The following NAA50 variants were observed in gnomAD, a reference collection of about 807,000 sequenced individuals.
The protein encoded by NAA50 is N-alpha-acetyltransferase 50, NatE catalytic subunit, also known as N-alpha-acetyltransferase 50.
A neutral mutation model predicts 20.7 loss-of-function variants in NAA50; 7 were observed. The ratio of observed to expected loss-of-function variants is 0.34; its 90% CI spans 0.19 to 0.63. The LOEUF is 0.63. NAA50 is among the 30% of genes least tolerant of loss of function. The pLI is 0.75. For missense variants in NAA50, 111 were observed against 199.1 expected (o/e 0.56, Z 2.66); for synonymous variants, 54 against 70.6 (o/e 0.77, Z 1.18).
At chr3:113,728,378 G>A (rs965267208) in intron 1 of NAA50, among the ~76,000 whole-genome samples, 2 of 152,098 alleles carry the variant, frequency 1.3e-5, no homozygotes, top group Non-Finnish European at 2.9e-5. Flanking sequence ...GTTTACATCT[G>A]GTAGGAAAGA....
At chr3:113,724,255 T>C (rs1385517317) in intron 1 of NAA50, among the ~76,000 whole-genome samples, 160 bp from the exon 2 acceptor site, 1 of 152,150 alleles carries the variant, frequency 6.6e-6, no homozygotes, top group Non-Finnish European at 1.5e-5. Context: ...ATTTTGACAG[T>C]CATTCAATAC....
At position 113,721,854 on chromosome 3, in the gene NAA50, T is replaced by C; in HGVS notation, c.416A>G (p.Tyr139Cys). 2 of 1,613,956 alleles carry C rather than the reference T, an allele frequency of 1.2e-6. No individual in the cohort carries two copies. Among genetic ancestry groups the C allele is most frequent in the Non-Finnish European group, 1.7e-6 (2 of 1,179,836 alleles). ...FEIIETKKNY[Y>C]KRIEPADAHV... is the part of the protein sequence containing the mutation. ...AGCATCTGCGGGCTCTATCCTCTTA[T>C]AGTAGTTCTTCTTTGTCTCAATAAT... is the stretch of plus-strand genomic sequence containing the variant. Residue 139 changes from tyrosine (Y) to cysteine (C), a missense_variant, in exon 5 of 5, where the codon TAT becomes TGT. Physicochemically the swap from Tyr to Cys is radical, Grantham distance 194. Transcript: ENST00000240922.
chr3:113,731,750 T>C (rs556855876), intron 1 of NAA50, among the ~76,000 whole-genome samples: 3 of 152,226 alleles, frequency 2.0e-5, no homozygotes, highest in Non-Finnish European at 2.9e-5. Flanking sequence ...GCTTCTTTCA[T>C]GTGGCATGAT....
chr3:113,737,800 A>G (rs769103872), intron 1 of NAA50, among the ~76,000 whole-genome samples: 4 of 152,112 alleles, frequency 2.6e-5, no homozygotes, highest in Non-Finnish European at 5.9e-5. Context: ...ACTCTCCTAC[A>G]TCCTGTTAGG....
intron 1 of NAA50, among the ~76,000 whole-genome samples, chr3:113,725,380 C>T (rs1349089862): frequency 6.6e-6 from 1 of 152,002 alleles, no homozygotes; most frequent in African/African-American, 2.4e-5. Context: ...CAAAAACATG[C>T]TTGAAAGGAT....
At chr3:113,743,624 A>C (rs1708448700) in intron 1 of NAA50, among the ~76,000 whole-genome samples, 1 of 152,218 alleles carries the variant, frequency 6.6e-6, no homozygotes, top group Non-Finnish European at 1.5e-5. Flanking sequence ...GTTTCATCTC[A>C]TCTGGGAGTT....
chr3:113,724,136 C>A (rs763973685), intron 1 of NAA50, 41 bp from the exon 2 acceptor site: 4 of 1,464,686 alleles, frequency 2.7e-6, no homozygotes, highest in Middle Eastern at 1.8e-4. Context: ...CATAATTAGC[C>A]CCATTTGTTA....
At chr3:113,729,123 T>C (rs1356268182) in intron 1 of NAA50, among the ~76,000 whole-genome samples, 2 of 151,814 alleles carry the variant, frequency 1.3e-5, no homozygotes, top group Non-Finnish European at 2.9e-5. Flanking sequence ...ACAGCTGTCA[T>C]TACAAGCATG....
intron 1 of NAA50, among the ~76,000 whole-genome samples, chr3:113,729,546 CT>C (rs564619731): frequency 0.016 from 1,519 of 94,252 alleles, 18 homozygotes; most frequent in South Asian, 0.083. Context: ...TTCTTTCTTT[CT>C]TTTTTTTTTT....
intron 2 of NAA50, 36 bp downstream of exon 2, chr3:113,723,923 A>G: frequency 6.6e-7 from 1 of 1,517,774 alleles, no homozygotes; most frequent in Non-Finnish European, 8.8e-7. Context: ...AAAAAGAAAG[A>G]AAAGAAGGGA....
intron 1 of NAA50, chr3:113,739,292 T>C (rs535399287): frequency 6.6e-6 from 1 of 152,320 alleles, no homozygotes; most frequent in African/African-American, 2.4e-5. Flanking sequence ...CCTGAGGTTT[T>C]TCCACGTGCC....
In NAA50 at chr3:113,746,011, T is replaced by C. The variant is rs546009020; in HGVS notation, c.-62A>G. 1.9e-5 allele frequency: 30 copies of C among 1,600,784 alleles called. No individual in the cohort carries two copies. The East Asian group carries it at 6.1e-4, about 32-fold the overall frequency. On this transcript the variant is annotated 5_prime_UTR_variant, in exon 1 of 5. Coordinates refer to ENST00000240922, the MANE Select transcript of NAA50 (RefSeq NM_025146.4). ...TCAACGCCGTCGTAGTCGCCGCCCT[T>C]AGGTCTCCGCACCCTTAGCTCGGGC...
At position 113,716,660 on chromosome 3, in the gene NAA50, T is replaced by C. The variant is rs189031916; in HGVS notation, c.*5100A>G. ...CTACGAAAGCTACAGTGATTCAACA[T>C]GTGCTTTAATTTATACTGCTTAGAT... On this transcript the variant is annotated 3_prime_UTR_variant, in exon 5 of 5. Coordinates refer to ENST00000240922, the MANE Select transcript of NAA50 (RefSeq NM_025146.4). 2.6e-5 allele frequency: 4 copies of C among 152,364 alleles called. No homozygotes were observed. The highest frequency in any genetic ancestry group is 7.2e-5 in the African/African-American group (3 of 41,588). The allele number at this position is 152,364 out of a possible 1,614,324, so 9.4% of individuals were successfully genotyped here. A position where few individuals can be genotyped will look rare whatever the true frequency, so the allele number is the denominator to read the frequency against.
chr3:113,717,240 G>A lies in NAA50; in HGVS notation c.*4520C>T, dbSNP rs1708064342. 6.6e-6 allele frequency: 1 copy of A among 152,266 alleles called. No homozygotes were observed. The allele number at this position is 152,266 out of a possible 1,614,324, so 9.4% of individuals were successfully genotyped here. ...TAGTCGCAGCTACTTGGGAGGCTCAGGCAGAATTGCTTGAATCTGGGAGGC... is the reference window on the plus strand; with the variant it reads ...TAGTCGCAGCTACTTGGGAGGCTCAAGCAGAATTGCTTGAATCTGGGAGGC... On this transcript the variant is annotated 3_prime_UTR_variant, in exon 5 of 5. Transcript: ENST00000240922.
intron 2 of NAA50, 70 bp from the exon 3 acceptor site, chr3:113,723,611 A>AAGG: frequency 2.7e-6 from 4 of 1,469,042 alleles, no homozygotes; most frequent in Non-Finnish European, 3.7e-6. Flanking sequence ...TTCCCTTTTA[A>AAGG]AGGACTACAC....
chr3:113,741,204 C>T, intron 1 of NAA50: 1 of 485,406 alleles, frequency 2.1e-6, no homozygotes. Context: ...TGAAACAAAT[C>T]AGCTGCCCAG....
chr3:113,743,918 T>G (rs995687027), intron 1 of NAA50, among the ~76,000 whole-genome samples: 2 of 152,226 alleles, frequency 1.3e-5, no homozygotes, highest in Non-Finnish European at 2.9e-5. Flanking sequence ...ATATGACTGT[T>G]CAGCTTCATT....
rs1191118612 is a variant in NAA50 at position 113,719,727 on chromosome 3, C to T, written c.*2033G>A. 6.6e-6 allele frequency: 1 copy of T among 152,610 alleles called. No individual in the cohort carries two copies. Among genetic ancestry groups the T allele is most frequent in the African/African-American group, 2.4e-5 (1 of 41,452 alleles). The allele number at this position is 152,610 out of a possible 1,614,324, so 9.5% of individuals were successfully genotyped here. ...TCCTCCTTAAATAACATGTACTTGT[C>T]ATGAGGCAGCTATTAGGTTTTCAAT... On this transcript the variant is annotated 3_prime_UTR_variant, in exon 5 of 5. Coordinates refer to ENST00000240922, the MANE Select transcript of NAA50 (RefSeq NM_025146.4).
In NAA50 at chr3:113,723,521, C is replaced by T. The variant is rs1708161420; in HGVS notation, c.166G>A (p.Val56Ile). 4.4e-6 allele frequency: 7 copies of T among 1,605,976 alleles called. No individual in the cohort carries two copies. The highest frequency in any genetic ancestry group is 5.9e-6 in the Non-Finnish European group (7 of 1,176,678). ...AKLAYFNDIAVGAVCCRVDHS... is the reference protein window; with the variant it reads ...AKLAYFNDIAIGAVCCRVDHS... ...TCCACCCTACAGCATACTGCACCTA[C>T]AGCAATATCATTGAAATAGGCTGCC... The change falls in exon 3 of 5, where the codon GTA becomes ATA. Residue 56 changes from valine to isoleucine, a missense_variant. Val to Ile is a conservative substitution (Grantham distance 29). Coordinates refer to ENST00000240922, the MANE Select transcript of NAA50 (RefSeq NM_025146.4).
Sources: gnomAD v4.1 joint callset for allele counts (sites outside exome capture counted in the v4.1 genomes callset) on GRCh38, gnomAD v4.1.1 for gene constraint, MANE v1.5 for transcripts, NCBI Gene and HGNC (gene_info 2026-07-23, HGNC 2026-07-21) for gene names.